COX7B2: variants seen among roughly 807,000 people sequenced by gnomAD.
COX7B2 encodes cytochrome c oxidase subunit 7B2, also known as cytochrome c oxidase subunit 7B2, mitochondrial.
For missense variants in COX7B2, 109 were observed against 95.9 expected (o/e 1.14, Z -0.57); for synonymous variants, 37 against 32.1 (o/e 1.15, Z -0.51).
intron 2 of COX7B2, among the ~76,000 whole-genome samples, chr4:46,805,553 C>T (rs1718954029): frequency 6.6e-6 from 1 of 152,054 alleles, no homozygotes; most frequent in African/African-American, 2.4e-5. Flanking sequence ...AAAGATAAGA[C>T]TACTGAAATG....
At chr4:46,840,057 A>C (rs2109752283) in intron 2 of COX7B2, among the ~76,000 whole-genome samples, 1 of 152,084 alleles carries the variant, frequency 6.6e-6, no homozygotes, top group African/African-American at 2.4e-5. Flanking sequence ...GAAAAATCCA[A>C]AGGAAGGCAA....
chr4:46,837,712 A>C (rs1308911262), intron 2 of COX7B2, among the ~76,000 whole-genome samples: 1 of 152,118 alleles, frequency 6.6e-6, no homozygotes, highest in East Asian at 1.9e-4. Flanking sequence ...AATAAGGATA[A>C]GATAACACTT....
chr4:46,782,907 CTG>C (rs945713595), intron 2 of COX7B2, among the ~76,000 whole-genome samples: 1 of 152,212 alleles, frequency 6.6e-6, no homozygotes, highest in Non-Finnish European at 1.5e-5. Flanking sequence ...TCTTTAAGAA[CTG>C]TAACACTCAC....
At chr4:46,735,288 T>C (rs1376972698) in intron 2 of COX7B2, 47 bp from the exon 3 acceptor site, 2 of 1,371,854 alleles carry the variant, frequency 1.5e-6, no homozygotes, top group Non-Finnish European at 2.0e-6. Flanking sequence ...CTTTATTCAA[T>C]TCCTTCCGCT....
rs544428644 is a variant in COX7B2 at position 46,883,690 on chromosome 4, A to G, written c.-105+25470T>C. 5.3e-5 allele frequency among the ~76,000 whole-genome samples: 8 copies of G among 152,056 alleles called. No individual in the cohort carries two copies. In the East Asian group the frequency reaches 1.6e-3, roughly 30 times the overall value. ...GATGTCAATGTTACAGTGAGCCAAGATTGCACTTGCAGTGAGCCAAGATTG... is the reference window on the plus strand; with the variant it reads ...GATGTCAATGTTACAGTGAGCCAAGGTTGCACTTGCAGTGAGCCAAGATTG... On this transcript the variant is annotated intron_variant, in intron 1 of 2. Transcript: ENST00000355591.
intron 2 of COX7B2, among the ~76,000 whole-genome samples, chr4:46,777,909 T>C (rs1448454206): frequency 2.0e-5 from 3 of 152,186 alleles, no homozygotes; most frequent in Non-Finnish European, 4.4e-5. Flanking sequence ...GATATATCTA[T>C]CTTCTCCCAG....
intron 2 of COX7B2, among the ~76,000 whole-genome samples, chr4:46,794,239 A>C (rs1201410848): frequency 6.6e-6 from 1 of 152,168 alleles, no homozygotes; most frequent in East Asian, 1.9e-4. Flanking sequence ...GGAAGAAACA[A>C]GTTGGATTAG....
At chr4:46,797,261 T>A (rs1718412879) in intron 2 of COX7B2, among the ~76,000 whole-genome samples, 2 of 152,046 alleles carry the variant, frequency 1.3e-5, no homozygotes, top group African/African-American at 2.4e-5. Context: ...AAGGTAAAAG[T>A]AAGACCTTTT....
At chr4:46,762,460 AG>A (rs1316113428) in intron 2 of COX7B2, among the ~76,000 whole-genome samples, 74 of 137,796 alleles carry the variant, frequency 5.4e-4, no homozygotes, top group Non-Finnish European at 1.1e-3. Context: ...TACTATATAT[AG>A]TATATGTACT....
chr4:46,846,807 T>G (rs979888708), intron 1 of COX7B2, among the ~76,000 whole-genome samples: 1 of 152,066 alleles, frequency 6.6e-6, no homozygotes, highest in Non-Finnish European at 1.5e-5. Flanking sequence ...GGGACAGGAT[T>G]TTCTGATAAG....
intron 2 of COX7B2, among the ~76,000 whole-genome samples, chr4:46,841,817 T>C (rs1467483665): frequency 1.3e-5 from 2 of 152,002 alleles, no homozygotes; most frequent in Non-Finnish European, 2.9e-5. Flanking sequence ...GAGAAACTTA[T>C]TACATTGGCC....
At chr4:46,873,234 T>G (rs980507160) in intron 1 of COX7B2, among the ~76,000 whole-genome samples, 1 of 152,180 alleles carries the variant, frequency 6.6e-6, no homozygotes, top group Admixed American at 6.5e-5. Flanking sequence ...TGCTGAACAT[T>G]TGGGTTGGTT....
chr4:46,854,079 A>G (rs1365420080), intron 1 of COX7B2, among the ~76,000 whole-genome samples: 1 of 152,182 alleles, frequency 6.6e-6, no homozygotes, highest in Non-Finnish European at 1.5e-5. Flanking sequence ...TTATTTTAAA[A>G]TTAGACTACT....
At chr4:46,737,638 C>T (rs1277278933) in intron 2 of COX7B2, among the ~76,000 whole-genome samples, 1 of 152,070 alleles carries the variant, frequency 6.6e-6, no homozygotes, top group African/African-American at 2.4e-5. Context: ...TATTTTATTT[C>T]TTAGATAGTT....
At chr4:46,848,858 C>G (rs1716472603) in intron 1 of COX7B2, among the ~76,000 whole-genome samples, 1 of 151,908 alleles carries the variant, frequency 6.6e-6, no homozygotes, top group African/African-American at 2.4e-5. Flanking sequence ...CCCTTGGATA[C>G]CAAAATCTTC....
intron 2 of COX7B2, among the ~76,000 whole-genome samples, chr4:46,838,778 T>C (rs531778576): frequency 6.6e-6 from 1 of 152,204 alleles, no homozygotes; most frequent in African/African-American, 2.4e-5. Context: ...AGTGGTAATG[T>C]GCTTAAATTT....
chr4:46,900,655 T>C (rs1254157616), intron 1 of COX7B2, among the ~76,000 whole-genome samples: 4 of 152,226 alleles, frequency 2.6e-5, no homozygotes, highest in Admixed American at 6.5e-5. Flanking sequence ...ACAGTGATGA[T>C]ATTAAGAGGT....
At chr4:46,864,353 T>A (rs1207844082) in intron 1 of COX7B2, among the ~76,000 whole-genome samples, 1 of 152,182 alleles carries the variant, frequency 6.6e-6, no homozygotes, top group Non-Finnish European at 1.5e-5. Flanking sequence ...ACGACATTTT[T>A]TTTTTTAACT....
rs150045087 is a variant in COX7B2, at chr4:46,881,377, T to C, written c.-105+27783A>G. Among the ~76,000 whole-genome samples the C allele has an allele frequency of 5.8e-3, 878 of 152,280 alleles. 4 individuals are homozygous for C. The highest frequency in any genetic ancestry group is 0.01 in the Middle Eastern group (3 of 292). The stretch of plus-strand genomic sequence containing the variant: ...AGGTCACAAACAGGTGATACACAAA[T>C]GGTTACATTCTTTTGAGTTTCTGAT... On this transcript the variant is annotated intron_variant, in intron 1 of 2. Transcript: ENST00000355591.
Sources: gnomAD v4.1 joint callset for allele counts (sites outside exome capture counted in the v4.1 genomes callset) on GRCh38, gnomAD v4.1.1 for gene constraint, MANE v1.5 for transcripts, NCBI Gene and HGNC (gene_info 2026-07-23, HGNC 2026-07-21) for gene names.